The following FYCO1 variants were observed in gnomAD, a reference collection of about 807,000 sequenced individuals.
FYCO1 encodes the protein FYVE and coiled-coil domain-containing protein 1.
A neutral mutation model predicts 165.1 loss-of-function variants in FYCO1; 122 were observed. The ratio of observed to expected loss-of-function variants is 0.74; its 90% CI spans 0.64 to 0.86. FYCO1 has a LOEUF of 0.86. Among genes scored for constraint, FYCO1 ranks in the 40% least tolerant of loss-of-function variants. The pLI, the probability that FYCO1 is intolerant of heterozygous loss-of-function variation, is 0.00. For missense variants in FYCO1, 1,702 were observed against 1,810.3 expected, an observed-to-expected ratio of 0.94 and a Z score of 1.09; for synonymous variants, 648 against 742.5, an observed-to-expected ratio of 0.87 and a Z score of 2.07.
chr3:45,966,985 C>A lies in FYCO1; in HGVS notation c.2349G>T (p.Gly783=), dbSNP rs371940213. Residue 783 remains glycine, a synonymous_variant, in exon 8 of 18, where the codon GGG becomes GGT. Coordinates refer to ENST00000296137, the MANE Select transcript of FYCO1 (RefSeq NM_024513.4). ...LSQAQLEVHQ[G]EVQRLQAQVV... Reference sequence around the variant, plus strand: ...CCTGAGCCTGCAGCCGTTGGACCTCCCCCTGATGGACTTCCAGCTGCGCCT... The same window carrying A: ...CCTGAGCCTGCAGCCGTTGGACCTCACCCTGATGGACTTCCAGCTGCGCCT... 2 of 1,613,124 alleles carry A rather than the reference C, an allele frequency of 1.2e-6. No homozygotes were observed. The highest frequency in any genetic ancestry group is 2.7e-5 in the African/African-American group (2 of 74,932).
At chr3:45,963,365 A>G (rs1705810601) in intron 10 of FYCO1, among the ~76,000 whole-genome samples, 2 of 152,002 alleles carry the variant, frequency 1.3e-5, no homozygotes, top group African/African-American at 4.8e-5. Flanking sequence ...ACCAACTCAG[A>G]CTCTGTTTAA....
chr3:45,940,123 T>G (rs1370438684), intron 14 of FYCO1, among the ~76,000 whole-genome samples: 5 of 152,252 alleles, frequency 3.3e-5, no homozygotes, highest in African/African-American at 1.2e-4. Context: ...TTTACTTTGC[T>G]AATCCATTGC....
intron 17 of FYCO1, among the ~76,000 whole-genome samples, chr3:45,922,868 T>C (rs1367161736): frequency 6.6e-6 from 1 of 152,196 alleles, no homozygotes. Context: ...TCAGAGAGGA[T>C]GTGGCCAGAA....
rs1270368362 is a variant in FYCO1, at chr3:45,923,741, T to G, written c.4276A>C (p.Asn1426His). 1 of 1,614,082 alleles carries G rather than the reference T, an allele frequency of 6.2e-7. No homozygotes were observed. The highest frequency in any genetic ancestry group is 1.1e-5 in the South Asian group (1 of 91,064). Residue 1426 changes from asparagine (N) to histidine (H), a missense_variant, in exon 17 of 18, where the codon AAC becomes CAC. Physicochemically the swap from Asn to His is moderately conservative, Grantham distance 68. Transcript: ENST00000296137. ...CCCTGGATGTTCTCCTTGTGGGAGTTGCATCGGGTCGTGGGAATGAGGACC... is the reference window on the plus strand; with the variant it reads ...CCCTGGATGTTCTCCTTGTGGGAGTGGCATCGGGTCGTGGGAATGAGGACC... The part of the protein sequence containing the change: ...CKVLIPTTRC[N>H]SHKENIQGQL...
Position 45,959,457 on chromosome 3 carries a change from CTG to C in FYCO1, c.3521_3522del (p.Thr1174ArgfsTer9). The part of the protein sequence containing the change: ...LSAEERWLGD[T>X]EANHCLDCKR... ...TTACAGTCGAGGCAGTGGTTTGCCT[CTG>C]TGTCTCCGAGCCATCTCTCCTCAGC... On this transcript the variant is annotated frameshift_variant, in exon 12 of 18. Coordinates refer to ENST00000296137, the MANE Select transcript of FYCO1 (RefSeq NM_024513.4). LOFTEE classifies it high-confidence loss of function. The C allele has an allele frequency of 6.2e-7, 1 of 1,614,168 alleles. No homozygotes were observed. The highest frequency in any genetic ancestry group is 8.5e-7 in the Non-Finnish European group (1 of 1,180,044).
chr3:45,946,864 T>G, intron 14 of FYCO1: 1 of 1,614,218 alleles, frequency 6.2e-7, no homozygotes, highest in Non-Finnish European at 8.5e-7. Context: ...GTGGATCGTT[T>G]CATTGTAGTG....
At position 45,975,306 on chromosome 3, in the gene FYCO1, A is replaced by G. The variant is rs570357544; in HGVS notation, c.328T>C (p.Tyr110His). 6.2e-7 allele frequency: 1 copy of G among 1,614,204 alleles called. No homozygotes were observed. The highest frequency in any genetic ancestry group is 8.5e-7 in the Non-Finnish European group (1 of 1,179,996). ...GCCAACCTCTGGTGCACCAAGGAGTAGCGAATAAATGCTCTTCCTTTCCCC... is the reference window on the plus strand; with the variant it reads ...GCCAACCTCTGGTGCACCAAGGAGTGGCGAATAAATGCTCTTCCTTTCCCC... ...SLGKGRAFIR[Y>H]SLVHQRLADT... Residue 110 changes from tyrosine to histidine, a missense_variant, in exon 5 of 18, where the codon TAC becomes CAC. By Grantham distance (83) the Tyr-to-His change is moderately conservative. Transcript: ENST00000296137.
At chr3:45,949,325 C>T (rs1468185978) in intron 14 of FYCO1, among the ~76,000 whole-genome samples, 1 of 152,212 alleles carries the variant, frequency 6.6e-6, no homozygotes, top group Non-Finnish European at 1.5e-5. Context: ...TTCTGTCATT[C>T]CCCCTTTGTG....
rs1224184471 is a variant in FYCO1 at position 45,966,710 on chromosome 3, T to G, written c.2624A>C (p.Glu875Ala). The G allele has an allele frequency of 1.2e-6, 2 of 1,613,076 alleles. No individual in the cohort carries two copies. The highest frequency in any genetic ancestry group is 4.5e-5 in the East Asian group (2 of 44,844). ...GCTGCATTTGGCCTGGGACAGCTCCTCCTGCAGGGCCCGCAGCTCCTCCTC... is the reference window on the plus strand; with the variant it reads ...GCTGCATTTGGCCTGGGACAGCTCCGCCTGCAGGGCCCGCAGCTCCTCCTC... ...QREEELRALQ[E>A]ELSQAKCSSE... Residue 875 changes from glutamate to alanine, a missense_variant, in exon 8 of 18, where the codon GAG (glutamate) becomes GCG (alanine). Physicochemically the swap from Glu to Ala is moderately radical, Grantham distance 107. Transcript: ENST00000296137.
intron 15 of FYCO1, among the ~76,000 whole-genome samples, chr3:45,932,234 T>C (rs568240842): frequency 2.6e-5 from 4 of 152,342 alleles, no homozygotes; most frequent in Admixed American, 1.3e-4. Flanking sequence ...GGTTAGCTCA[T>C]GATCATGGAG....
rs1302062684 is a variant in FYCO1, at chr3:45,944,494, A to T, written c.3945-7951T>A. Among the ~76,000 whole-genome samples, 3 of 152,320 alleles carry T rather than the reference A, an allele frequency of 2.0e-5. 1 individual carries two copies. Among genetic ancestry groups the T allele is most frequent in the South Asian group, 4.1e-4 (2 of 4,828 alleles). On this transcript the variant is annotated intron_variant, in intron 14 of 17. Transcript: ENST00000296137. ...ATGAATTGTAATTTGCTTCATCATT[A>T]TCAGACTTTTACACTACTTCCAAAG...
In FYCO1 at chr3:45,949,603, C is replaced by T. The variant is rs139176599; in HGVS notation, c.3944+5646G>A. Among the ~76,000 whole-genome samples, 194 of 152,308 alleles carry T rather than the reference C, an allele frequency of 1.3e-3. 1 individual carries two copies. The highest frequency in any genetic ancestry group is 0.01 in the Middle Eastern group (3 of 294). On this transcript the variant is annotated intron_variant, in intron 14 of 17. Transcript: ENST00000296137. ...CCTGACCCAAGCCCTGGTTCACCAC[C>T]TACACCACTGGCTCATGAAGGCCTT...
At chr3:45,988,090 C>A (rs989644018) in intron 1 of FYCO1, among the ~76,000 whole-genome samples, 3 of 152,176 alleles carry the variant, frequency 2.0e-5, no homozygotes, top group Non-Finnish European at 4.4e-5. Context: ...TTTCAAAGAG[C>A]CTGTGTCGCC....
chr3:45,973,594 TG>T (rs1255606077), intron 5 of FYCO1, among the ~76,000 whole-genome samples: 1 of 152,210 alleles, frequency 6.6e-6, no homozygotes, highest in Non-Finnish European at 1.5e-5. Flanking sequence ...GAACTCAATA[TG>T]GGACACTAAA....
At chr3:45,958,310 C>A in intron 13 of FYCO1, 98 bp downstream of exon 13, 1 of 1,068,434 alleles carries the variant, frequency 9.4e-7, no homozygotes, top group South Asian at 1.4e-5. Context: ...GTTTAGAAAA[C>A]ACTGAATTCA....
chr3:45,931,343 A>G, intron 15 of FYCO1, 62 bp from the exon 16 acceptor site: 5 of 1,513,292 alleles, frequency 3.3e-6, no homozygotes, highest in Non-Finnish European at 4.6e-6. Context: ...TCCACTGGCC[A>G]GGTCATCTGT....
At position 45,964,184 on chromosome 3, in the gene FYCO1, C is replaced by A; in HGVS notation, c.3269+152G>T. On this transcript the variant is annotated intron_variant, in intron 10 of 17. Coordinates refer to ENST00000296137, the MANE Select transcript of FYCO1 (RefSeq NM_024513.4). The surrounding 1 kb of genome is among the most constrained non-coding windows in gnomAD (Gnocchi z 4.1). The stretch of plus-strand genomic sequence containing the variant: ...GGGCAGGCAACCAGGTTCTCTGTGG[C>A]ATGCTTCCAGCAGAAGCACTTTCTG... 1 of 715,260 alleles carries A rather than the reference C, an allele frequency of 1.4e-6. No homozygotes were observed. Among genetic ancestry groups the A allele is most frequent in the Non-Finnish European group, 2.5e-6 (1 of 394,760 alleles). 44.3% of individuals were successfully genotyped at this position (715,260 alleles called of 1,614,324 possible). A position where few individuals can be genotyped will look rare whatever the true frequency, so the allele number is the denominator to read the frequency against.
At position 45,979,977 on chromosome 3, in the gene FYCO1, A is replaced by G. The variant is rs1706966107; in HGVS notation, c.163-147T>C. On this transcript the variant is annotated intron_variant, in intron 3 of 17. Transcript: ENST00000296137. Reference sequence around the variant, plus strand: ...CATTATTTTTATTTATTGGCAAATCAAGGTGTGTTAATACCCTGTTCATAC... The same window carrying G: ...CATTATTTTTATTTATTGGCAAATCGAGGTGTGTTAATACCCTGTTCATAC... 10 of 996,360 alleles carry G rather than the reference A, an allele frequency of 1.0e-5. No homozygotes were observed. The Admixed American group carries it at 1.9e-4, about 19-fold the overall frequency. 61.7% of individuals were successfully genotyped at this position (996,360 alleles called of 1,614,324 possible).
intron 17 of FYCO1, 42 bp from the exon 18 acceptor site, chr3:45,921,882 C>A: frequency 7.3e-7 from 1 of 1,365,354 alleles, no homozygotes; most frequent in Non-Finnish European, 1.0e-6. Flanking sequence ...TACCTGAGAG[C>A]TGAAAGTCCG....
Sources: allele counts gnomAD v4.1 joint callset (sites outside exome capture counted in the v4.1 genomes callset), GRCh38; gene constraint gnomAD v4.1.1; non-coding constraint Gnocchi (gnomAD v3.1); transcripts MANE v1.5; gene names NCBI Gene and HGNC (gene_info 2026-07-23, HGNC 2026-07-21).